Variants in EGFR observed in about 807,000 individuals in gnomAD.
EGFR encodes epidermal growth factor receptor, also known as avian erythroblastic leukemia viral (v-erb-b) oncogene homolog.
Under a neutral mutation model 143.0 loss-of-function variants are expected in EGFR, and 58 were observed. That is an observed-to-expected ratio of 0.41 (90% CI 0.33 to 0.50). The LOEUF (loss-of-function observed/expected upper bound fraction) is 0.50, where lower values mean the gene tolerates loss of function less well. Ranked by LOEUF, EGFR falls within the 20% of genes least tolerant of loss-of-function variation. The pLI is 0.39. For synonymous variants in EGFR, 613 were observed against 594.4 expected (o/e 1.03, Z -0.45); for missense variants, 1,307 against 1,579.0 (o/e 0.83, Z 2.92).
At chr7:55,169,376 G>A (rs1249874667) in intron 15 of EGFR, among the ~76,000 whole-genome samples, 2 of 152,174 alleles carry the variant, frequency 1.3e-5, no homozygotes, top group Non-Finnish European at 2.9e-5. Flanking sequence ...GAGATTACAG[G>A]CGTGAGCCAC....
chr7:55,102,733 CTAAG>C (rs1302130040), intron 1 of EGFR, among the ~76,000 whole-genome samples: 16 of 152,082 alleles, frequency 1.1e-4, no homozygotes, highest in Non-Finnish European at 1.9e-4. Context: ...GTATGTTTAT[CTAAG>C]TATCTGTTCA....
Position 55,170,454 on chromosome 7 carries a change from G to A in EGFR, c.1881-721G>A, listed in dbSNP as rs17336988. ...TAGGATGGATCCCTTCTCTTCTGCC[G>A]TCAGAGTTTCAGCTGGGTTGGGGTG... On this transcript the variant is annotated intron_variant, in intron 15 of 27. Coordinates refer to ENST00000275493, the MANE Select transcript of EGFR (RefSeq NM_005228.5). 0.015 allele frequency: 24,646 copies of A among 1,614,044 alleles called. 230 individuals are homozygous for A. The highest frequency in any genetic ancestry group is 0.022 in the Middle Eastern group (132 of 6,062).
chr7:55,028,025 TACAC>T (rs5884398), intron 1 of EGFR, among the ~76,000 whole-genome samples: 4 of 101,652 alleles, frequency 3.9e-5, no homozygotes, highest in African/African-American at 1.9e-4. Flanking sequence ...TATATATATA[TACAC>T]ACACACACAC....
chr7:55,055,909 A>G (rs1257748583), intron 1 of EGFR, among the ~76,000 whole-genome samples: 1 of 152,144 alleles, frequency 6.6e-6, no homozygotes, highest in Admixed American at 6.5e-5. Flanking sequence ...AGTGCTCAAC[A>G]TGCCTGAATG....
chr7:55,199,457 G>T (rs1472801043), intron 23 of EGFR, among the ~76,000 whole-genome samples: 1 of 152,228 alleles, frequency 6.6e-6, no homozygotes, highest in African/African-American at 2.4e-5. Context: ...TAGGGAATAT[G>T]ACAGAGCCAA....
At chr7:55,099,637 C>T (rs888586204) in intron 1 of EGFR, among the ~76,000 whole-genome samples, 23 of 152,336 alleles carry the variant, frequency 1.5e-4, no homozygotes, top group African/African-American at 5.1e-4. Flanking sequence ...AGGCGTCCAG[C>T]TGTGTCCACC....
intron 27 of EGFR, among the ~76,000 whole-genome samples, chr7:55,204,533 C>T (rs1186235401): frequency 4.3e-5 from 6 of 140,768 alleles, no homozygotes; most frequent in South Asian, 2.4e-4. Context: ...CCCACACATA[C>T]GCATATATAC....
chr7:55,033,331 C>A (rs1235011809), intron 1 of EGFR, among the ~76,000 whole-genome samples: 2 of 152,126 alleles, frequency 1.3e-5, no homozygotes, highest in African/African-American at 4.8e-5. Context: ...ATTAAAGTGA[C>A]TTGTTAGCCT....
In EGFR at chr7:55,152,603, G is replaced by A. The variant is rs1291943679; in HGVS notation, c.686G>A (p.Ser229Asn). 4 of 1,613,832 alleles carry A rather than the reference G, an allele frequency of 2.5e-6. No homozygotes were observed. The highest frequency in any genetic ancestry group is 3.4e-6 in the Non-Finnish European group (4 of 1,180,020). Residue 229 changes from serine to asparagine, a missense_variant, in exon 6 of 28, where the codon AGT (serine) becomes AAT (asparagine). By Grantham distance (46) the Ser-to-Asn change is conservative. Coordinates refer to ENST00000275493, the MANE Select transcript of EGFR (RefSeq NM_005228.5). Reference sequence around the variant, plus strand: ...GGGCGCTGCCGTGGCAAGTCCCCCAGTGACTGCTGCCACAACCAGTGTGCT... The same window carrying A: ...GGGCGCTGCCGTGGCAAGTCCCCCAATGACTGCTGCCACAACCAGTGTGCT... Reference protein sequence around the residue: ...CSGRCRGKSPSDCCHNQCAAG... With the variant: ...CSGRCRGKSPNDCCHNQCAAG...
In EGFR at chr7:55,070,909, G is replaced by A. The variant is rs973209588; in HGVS notation, c.88+51544G>A. ...AATTAATAAAGCCGGCAGATCCTAG[G>A]AGAATCTTATTTAATCCAAGCTTTG... On this transcript the variant is annotated intron_variant, in intron 1 of 27. Transcript: ENST00000275493. 2.0e-5 allele frequency among the ~76,000 whole-genome samples: 3 copies of A among 152,230 alleles called. No individual in the cohort carries two copies. The East Asian group carries it at 5.8e-4, about 29-fold the overall frequency.
chr7:55,087,043 A>G lies in EGFR; in HGVS notation c.89-55243A>G, dbSNP rs1022572893. ...TAATGGCCCATTATCTACTGGTCAGAGTTTACTTAGGCTTTCACTACTTCC... is the reference window on the plus strand; with the variant it reads ...TAATGGCCCATTATCTACTGGTCAGGGTTTACTTAGGCTTTCACTACTTCC... On this transcript the variant is annotated intron_variant, in intron 1 of 27. Transcript: ENST00000275493. Among the ~76,000 whole-genome samples, 44 of 152,162 alleles carry G rather than the reference A, an allele frequency of 2.9e-4. 1 individual carries two copies. The highest frequency in any genetic ancestry group is 1.1e-3 in the African/African-American group (44 of 41,508).
At chr7:55,124,730 G>T (rs1411958930) in intron 1 of EGFR, among the ~76,000 whole-genome samples, 1 of 152,132 alleles carries the variant, frequency 6.6e-6, no homozygotes, top group East Asian at 1.9e-4. Flanking sequence ...ACTATCTCAG[G>T]CTGGCTGCCC....
rs1792291992 is a variant in EGFR at position 55,108,820 on chromosome 7, C to A, written c.89-33466C>A. On this transcript the variant is annotated intron_variant, in intron 1 of 27. Coordinates refer to ENST00000275493, the MANE Select transcript of EGFR (RefSeq NM_005228.5). ...ATAAGAGGCAATGGATGGGTGGAAG[C>A]GAAACAGGGCCAAAGTTTGACTTCA... 4.6e-5 allele frequency among the ~76,000 whole-genome samples: 7 copies of A among 152,248 alleles called. No homozygotes were observed. The South Asian group carries it at 1.5e-3, about 32-fold the overall frequency.
At chr7:55,186,967 G>C (rs150641642) in intron 20 of EGFR, among the ~76,000 whole-genome samples, 5 of 152,200 alleles carry the variant, frequency 3.3e-5, no homozygotes, top group Admixed American at 3.3e-4. Flanking sequence ...CTCCAGAGCC[G>C]TGAGTCCTGC....
intron 1 of EGFR, among the ~76,000 whole-genome samples, chr7:55,054,106 T>C (rs1014046875): frequency 6.6e-6 from 1 of 151,486 alleles, no homozygotes; most frequent in Non-Finnish European, 1.5e-5. Context: ...AAGCCCTGCC[T>C]AATGGTCTGC....
intron 20 of EGFR, among the ~76,000 whole-genome samples, chr7:55,190,004 G>A (rs73346611): frequency 0.017 from 2,631 of 152,268 alleles, 69 homozygotes; most frequent in African/African-American, 0.056. Context: ...AGTCAGCATC[G>A]CAGGAGTCAA....
chr7:55,201,800 A>G lies in EGFR; in HGVS notation c.3162+18A>G, dbSNP rs745579839. On this transcript the variant is annotated intron_variant, in intron 26 of 27. Coordinates refer to ENST00000275493, the MANE Select transcript of EGFR (RefSeq NM_005228.5). ...GAAATGGGGTATGTATGAACACCTT[A>G]TAAGCCAGAATTTACAGCTCTCCAC... The G allele has an allele frequency of 2.5e-6, 4 of 1,614,004 alleles. No homozygotes were observed. In the South Asian group the frequency reaches 3.3e-5, roughly 13 times the overall value.
At position 55,152,661 on chromosome 7, in the gene EGFR, C is replaced by T. The variant is rs1785218321; in HGVS notation, c.744C>T (p.Cys248=). 6.2e-7 allele frequency: 1 copy of T among 1,613,196 alleles called. No individual in the cohort carries two copies. The highest frequency in any genetic ancestry group is 2.2e-5 in the East Asian group (1 of 44,850). ...GCACAGGCCCCCGGGAGAGCGACTG[C>T]CTGGTAAGATGCCCCTCCAGCAGCC... ...AGCTGPRESD[C]LVCRKFRDEA... is the part of the protein sequence containing the mutation. Residue 248 remains cysteine, a synonymous_variant, in exon 6 of 28, where the codon TGC becomes TGT. Transcript: ENST00000275493.
intron 1 of EGFR, among the ~76,000 whole-genome samples, chr7:55,140,463 C>T (rs1794397244): frequency 6.6e-6 from 1 of 152,184 alleles, no homozygotes; most frequent in South Asian, 2.1e-4. Flanking sequence ...GGGAAAGCAG[C>T]TTTTATTCCA....
Sources: allele counts gnomAD v4.1 joint callset (sites outside exome capture counted in the v4.1 genomes callset), GRCh38; gene constraint gnomAD v4.1.1; transcripts MANE v1.5; gene names NCBI Gene and HGNC (gene_info 2026-07-23, HGNC 2026-07-21).